LRMDA: variants seen among roughly 807,000 people sequenced by gnomAD.
The protein encoded by LRMDA is leucine-rich melanocyte differentiation-associated protein.
Under a neutral mutation model 29.8 loss-of-function variants are expected in LRMDA, and 18 were observed. That is an observed-to-expected ratio of 0.60 (90% CI 0.42 to 0.90). The LOEUF (loss-of-function observed/expected upper bound fraction) is 0.90. LRMDA is among the 40% of genes least tolerant of loss of function. LRMDA has a pLI of 0.00. For missense variants in LRMDA, 273 were observed against 273.9 expected, an observed-to-expected ratio of 1.00 and a Z score of 0.02; for synonymous variants, 125 against 109.4, an observed-to-expected ratio of 1.14 and a Z score of -0.89.
chr10:76,169,595 A>C (rs1293457695), intron 5 of LRMDA, among the ~76,000 whole-genome samples: 1 of 152,166 alleles, frequency 6.6e-6, no homozygotes, highest in Non-Finnish European at 1.5e-5. Context: ...AGTGGTCATT[A>C]AGGAAGACTC....
intron 2 of LRMDA, among the ~76,000 whole-genome samples, chr10:75,884,695 C>T (rs184088680): frequency 1.3e-5 from 2 of 152,302 alleles, no homozygotes; most frequent in African/African-American, 4.8e-5. Flanking sequence ...TAACTCCTTG[C>T]TTGGCTTCTG....
intron 2 of LRMDA, among the ~76,000 whole-genome samples, chr10:75,977,987 G>A (rs562955962): frequency 4.6e-5 from 7 of 152,320 alleles, no homozygotes; most frequent in Non-Finnish European, 7.3e-5. Flanking sequence ...CATATAAAGC[G>A]TTTGGAGGAG....
intron 1 of LRMDA, 127 bp from the exon 2 acceptor site, chr10:75,438,267 G>A (rs1340183291): frequency 1.3e-6 from 1 of 756,584 alleles, no homozygotes; most frequent in Non-Finnish European, 2.2e-6. Context: ...CACAAGTGTG[G>A]CCTTTTTGTG....
chr10:75,584,009 C>T (rs1840626852), intron 2 of LRMDA, among the ~76,000 whole-genome samples: 1 of 152,142 alleles, frequency 6.6e-6, no homozygotes, highest in Non-Finnish European at 1.5e-5. Flanking sequence ...TGTCCTTCCT[C>T]TCTGGGAGGA....
intron 2 of LRMDA, among the ~76,000 whole-genome samples, chr10:75,827,502 A>G (rs187122701): frequency 6.6e-6 from 1 of 152,290 alleles, no homozygotes; most frequent in African/African-American, 2.4e-5. Context: ...TTATGGAAGC[A>G]TGTTTGGAAT....
At chr10:76,168,665 G>A (rs1479419828) in intron 5 of LRMDA, among the ~76,000 whole-genome samples, 2 of 151,798 alleles carry the variant, frequency 1.3e-5, no homozygotes, top group Non-Finnish European at 2.9e-5. Context: ...ATGATGAGTA[G>A]ATGAAAGGGG....
chr10:76,416,825 G>A (rs1360792317), intron 6 of LRMDA, among the ~76,000 whole-genome samples: 5 of 152,208 alleles, frequency 3.3e-5, no homozygotes, highest in Non-Finnish European at 7.3e-5. Context: ...TGTAGTTAGT[G>A]AATGATTAAG....
chr10:76,186,095 C>T (rs1255632992), intron 5 of LRMDA, among the ~76,000 whole-genome samples: 1 of 151,972 alleles, frequency 6.6e-6, no homozygotes, highest in Non-Finnish European at 1.5e-5. Flanking sequence ...TTACGCATTC[C>T]AAGCTGAGCC....
At chr10:75,562,866 C>T (rs1231608083) in intron 2 of LRMDA, among the ~76,000 whole-genome samples, 5 of 152,170 alleles carry the variant, frequency 3.3e-5, no homozygotes, top group Non-Finnish European at 5.9e-5. Context: ...CCCCCACTCT[C>T]TTCTGGCTTG....
intron 2 of LRMDA, among the ~76,000 whole-genome samples, chr10:75,529,361 G>C (rs1845449667): frequency 6.6e-6 from 1 of 152,218 alleles, no homozygotes; most frequent in Admixed American, 6.5e-5. Context: ...TCTGTTACCA[G>C]CCAAAGAAGC....
At chr10:75,622,564 C>T (rs942153138) in intron 2 of LRMDA, among the ~76,000 whole-genome samples, 9 of 152,190 alleles carry the variant, frequency 5.9e-5, no homozygotes, top group Non-Finnish European at 8.8e-5. Context: ...AACAACTGGT[C>T]ACTGCATTGA....
rs781314180 is a variant in LRMDA, at chr10:76,452,567, G to A, written c.602-104642G>A. Among the ~76,000 whole-genome samples, 36 of 152,270 alleles carry A rather than the reference G, an allele frequency of 2.4e-4. 1 individual carries two copies. The highest frequency in any genetic ancestry group is 2.3e-3 in the South Asian group (11 of 4,822). ...ATGGCTAGAAAGCTGGTACAAAGAT[G>A]TGAAGTAGAGGGTCTAAAAGAAAGC... On this transcript the variant is annotated intron_variant, in intron 6 of 6. Transcript: ENST00000611255.
intron 6 of LRMDA, among the ~76,000 whole-genome samples, chr10:76,549,336 T>C (rs1907303): frequency 0.34 from 51,116 of 151,966 alleles, 9,711 homozygotes; most frequent in Middle Eastern, 0.49. Flanking sequence ...CCCCTGTTTT[T>C]CCTTCCCTAC....
At chr10:76,553,164 T>C (rs927317335) in intron 6 of LRMDA, among the ~76,000 whole-genome samples, 4 of 152,332 alleles carry the variant, frequency 2.6e-5, no homozygotes, top group Non-Finnish European at 4.4e-5. Flanking sequence ...CCTGTCATTT[T>C]TCAGGGTCTT....
At chr10:75,539,713 C>T (rs559909872) in intron 2 of LRMDA, among the ~76,000 whole-genome samples, 1 of 152,162 alleles carries the variant, frequency 6.6e-6, no homozygotes, top group Admixed American at 6.5e-5. Context: ...TCAGAAAGAT[C>T]TCAGAGATTT....
intron 2 of LRMDA, among the ~76,000 whole-genome samples, chr10:75,750,500 A>AG (rs896771431): frequency 2.0e-5 from 2 of 101,768 alleles, no homozygotes; most frequent in African/African-American, 8.4e-5. Flanking sequence ...TGGGGGGCAG[A>AG]GGGGGTCCTC....
intron 6 of LRMDA, among the ~76,000 whole-genome samples, chr10:76,480,104 A>G (rs1842720502): frequency 6.6e-6 from 1 of 151,938 alleles, no homozygotes; most frequent in African/African-American, 2.4e-5. Context: ...TGAGTCTCAG[A>G]GGGCTTAAGA....
chr10:75,672,957 T>C (rs1256886516), intron 2 of LRMDA, among the ~76,000 whole-genome samples: 1 of 144,080 alleles, frequency 6.9e-6, no homozygotes, highest in African/African-American at 2.9e-5. Flanking sequence ...CCAAACTGTT[T>C]GCCTTTTTTT....
At chr10:76,221,978 A>C (rs539273342) in intron 5 of LRMDA, among the ~76,000 whole-genome samples, 2 of 152,168 alleles carry the variant, frequency 1.3e-5, no homozygotes, top group East Asian at 1.9e-4. Flanking sequence ...ATCTACAACT[A>C]TCTGATCTTT....
Sources: allele counts gnomAD v4.1 joint callset (sites outside exome capture counted in the v4.1 genomes callset), GRCh38; gene constraint gnomAD v4.1.1; transcripts MANE v1.5; gene names NCBI Gene and HGNC (gene_info 2026-07-23, HGNC 2026-07-21).